Variants in HORMAD2 observed in about 807,000 individuals in gnomAD.
The protein encoded by HORMAD2 is HORMA domain containing 2.
Under a neutral mutation model 38.8 loss-of-function variants are expected in HORMAD2, and 45 were observed. The observed-to-expected ratio is 1.16, with a 90% CI of 0.91 to 1.49. The LOEUF (loss-of-function observed/expected upper bound fraction) is 1.49. Among genes scored for constraint, HORMAD2 ranks in the 40% most tolerant of loss-of-function variants. HORMAD2 has a pLI of 0.00. For missense variants in HORMAD2, 338 were observed against 367.0 expected, an observed-to-expected ratio of 0.92 and a Z score of 0.65; for synonymous variants, 126 against 122.8, an observed-to-expected ratio of 1.03 and a Z score of -0.17.
intron 10 of HORMAD2, among the ~76,000 whole-genome samples, chr22:30,146,045 T>A (rs1406442890): frequency 6.6e-6 from 1 of 152,160 alleles, no homozygotes; most frequent in East Asian, 1.9e-4. Context: ...ACTAATGTGG[T>A]CTATCCCAGG....
At chr22:30,102,325 G>T (rs1227101158) in intron 3 of HORMAD2, among the ~76,000 whole-genome samples, 2 of 152,106 alleles carry the variant, frequency 1.3e-5, no homozygotes, top group African/African-American at 4.8e-5. Context: ...CACTACCCTA[G>T]GCAACGGCAA....
intron 7 of HORMAD2, among the ~76,000 whole-genome samples, chr22:30,114,406 T>G (rs944868616): frequency 1.3e-5 from 2 of 152,186 alleles, no homozygotes; most frequent in Non-Finnish European, 2.9e-5. Flanking sequence ...TATAGCAATG[T>G]TCATAGGGCC....
chr22:30,204,176 C>G, the HORMAD2 span, among the ~76,000 whole-genome samples: 1 of 152,130 alleles, frequency 6.6e-6, no homozygotes, highest in African/African-American at 2.4e-5. Context: ...GAGCTCGCAG[C>G]CTGGCACCCA....
chr22:30,104,716 A>G, intron 5 of HORMAD2: 1 of 285,984 alleles, frequency 3.5e-6, no homozygotes. Context: ...GTGGGACAGG[A>G]GAGACAAGAA....
intron 5 of HORMAD2, 133 bp from the exon 6 acceptor site, chr22:30,111,663 C>A: frequency 1.6e-6 from 1 of 634,204 alleles, no homozygotes; most frequent in Non-Finnish European, 2.6e-6. Flanking sequence ...TTTCTTCTGG[C>A]CTTCTGGATA....
At chr22:30,156,804 A>T (rs1925104373) in intron 10 of HORMAD2, among the ~76,000 whole-genome samples, 1 of 152,238 alleles carries the variant, frequency 6.6e-6, no homozygotes, top group Non-Finnish European at 1.5e-5. Flanking sequence ...ACTGACGAAG[A>T]GTCAGGGCGT....
At chr22:30,119,647 C>G (rs1922298612) in intron 8 of HORMAD2, among the ~76,000 whole-genome samples, 1 of 152,048 alleles carries the variant, frequency 6.6e-6, no homozygotes, top group Admixed American at 6.6e-5. Context: ...TTCAGACCTG[C>G]CAGGGGGGAT....
intron 10 of HORMAD2, among the ~76,000 whole-genome samples, chr22:30,133,151 TATA>T (rs1923403725): frequency 6.6e-6 from 1 of 152,148 alleles, no homozygotes; most frequent in Admixed American, 6.5e-5. Flanking sequence ...TGGAAAAAAG[TATA>T]ATGATAATGT....
At chr22:30,185,915 A>G in the HORMAD2 span, among the ~76,000 whole-genome samples, 3 of 152,202 alleles carry the variant, frequency 2.0e-5, no homozygotes, top group Admixed American at 2.0e-4. Flanking sequence ...GAAATTATAT[A>G]AAGGTCATAA....
At chr22:30,197,399 C>T in the HORMAD2 span, among the ~76,000 whole-genome samples, 1 of 152,064 alleles carries the variant, frequency 6.6e-6, no homozygotes, top group Non-Finnish European at 1.5e-5. Context: ...CCAGCATGAG[C>T]AAGAGGATGC....
intron 1 of HORMAD2, among the ~76,000 whole-genome samples, chr22:30,090,566 G>A (rs1424765705): frequency 6.6e-6 from 1 of 152,116 alleles, no homozygotes; most frequent in East Asian, 1.9e-4. Flanking sequence ...ACCTAGAGAT[G>A]GAAATGCTAG....
chr22:30,089,037 A>G (rs2068634277), intron 1 of HORMAD2, among the ~76,000 whole-genome samples: 1 of 152,198 alleles, frequency 6.6e-6, no homozygotes, highest in South Asian at 2.1e-4. Context: ...AAAATATTGT[A>G]AAAGAGTGTC....
At chr22:30,127,593 T>G (rs945889351) in intron 10 of HORMAD2, among the ~76,000 whole-genome samples, 2 of 152,234 alleles carry the variant, frequency 1.3e-5, no homozygotes, top group Non-Finnish European at 2.9e-5. Flanking sequence ...TCTGCTGGCC[T>G]TGGCCTCCTC....
At chr22:30,163,184 T>G (rs892082427) in intron 10 of HORMAD2, among the ~76,000 whole-genome samples, 1 of 152,226 alleles carries the variant, frequency 6.6e-6, no homozygotes, top group African/African-American at 2.4e-5. Context: ...TCAAGTTTTT[T>G]ATATTGATGA....
chr22:30,143,878 G>A (rs1248873930), intron 10 of HORMAD2, among the ~76,000 whole-genome samples: 1 of 152,118 alleles, frequency 6.6e-6, no homozygotes, highest in Non-Finnish European at 1.5e-5. Context: ...TTAAAAGTGT[G>A]TGGCACTTCT....
the HORMAD2 span, among the ~76,000 whole-genome samples, chr22:30,206,833 A>G: frequency 1.3e-5 from 2 of 152,138 alleles, no homozygotes; most frequent in East Asian, 1.9e-4. Flanking sequence ...AAATCTAGGT[A>G]TGTGAGGTCT....
At chr22:30,136,121 A>G (rs931762494) in intron 10 of HORMAD2, among the ~76,000 whole-genome samples, 2 of 152,248 alleles carry the variant, frequency 1.3e-5, no homozygotes, top group Admixed American at 1.3e-4. Context: ...AAGTATGGAA[A>G]CAATTAGGTG....
chr22:30,140,198 A>G (rs1426769211), intron 10 of HORMAD2, among the ~76,000 whole-genome samples: 1 of 152,148 alleles, frequency 6.6e-6, no homozygotes, highest in Non-Finnish European at 1.5e-5. Context: ...TGGGAAGCAG[A>G]GGTTGCCGTG....
At chr22:30,115,051 G>A (rs959405734) in intron 7 of HORMAD2, among the ~76,000 whole-genome samples, 3 of 152,056 alleles carry the variant, frequency 2.0e-5, no homozygotes, top group Non-Finnish European at 4.4e-5. Context: ...ATATGAATAT[G>A]GTGAAGGCAT....
Sources: gnomAD v4.1 joint callset for allele counts (sites outside exome capture counted in the v4.1 genomes callset) on GRCh38, gnomAD v4.1.1 for gene constraint, MANE v1.5 for transcripts, NCBI Gene and HGNC (gene_info 2026-07-23, HGNC 2026-07-21) for gene names.